Variants in COG6 observed in about 807,000 individuals in gnomAD.
The protein encoded by COG6 is component of oligomeric golgi complex 6.
COG6 carries 74 observed loss-of-function variants against 88.8 expected under a neutral mutation model. That is an observed-to-expected ratio of 0.83 (90% CI 0.69 to 1.01). The LOEUF is 1.01. Ranked by LOEUF, COG6 falls within the 50% of genes least tolerant of loss-of-function variation. The probability of loss-of-function intolerance (pLI) is 0.00; values close to 1 mark genes in which losing one functional copy is unlikely to be tolerated. For missense variants in COG6, 800 were observed against 797.9 expected (o/e 1.00, Z -0.03); for synonymous variants, 286 against 278.7 (o/e 1.03, Z -0.26).
chr13:39,689,022 C>T (rs544476550), intron 10 of COG6, among the ~76,000 whole-genome samples: 4 of 152,250 alleles, frequency 2.6e-5, no homozygotes, highest in African/African-American at 9.6e-5. Flanking sequence ...AGATTAGACT[C>T]AGCATATATG....
rs972749530 is a variant in COG6 at position 39,751,986 on chromosome 13, A to T, written c.*893A>T. 3.2e-6 allele frequency: 4 copies of T among 1,235,084 alleles called. No individual in the cohort carries two copies. The highest frequency in any genetic ancestry group is 2.3e-5 in the Admixed American group (1 of 43,460). The allele number at this position is 1,235,084 out of a possible 1,614,324, so 76.5% of individuals were successfully genotyped here. On this transcript the variant is annotated 3_prime_UTR_variant, in exon 19 of 19. Transcript: ENST00000455146. ...AAACAATGATCTACTCAAACATTGGAGAAAAAAACTGCCAGAGGAGGAGTT... is the reference window on the plus strand; with the variant it reads ...AAACAATGATCTACTCAAACATTGGTGAAAAAAACTGCCAGAGGAGGAGTT...
At chr13:39,668,548 G>A (rs767294161) in intron 4 of COG6, among the ~76,000 whole-genome samples, 3 of 152,104 alleles carry the variant, frequency 2.0e-5, no homozygotes, top group Non-Finnish European at 4.4e-5. Flanking sequence ...CAGCACTTTG[G>A]GAGGCCGAGG....
intron 1 of COG6, among the ~76,000 whole-genome samples, chr13:39,657,132 A>G (rs559503095): frequency 1.3e-3 from 190 of 151,832 alleles, no homozygotes; most frequent in African/African-American, 4.4e-3. Flanking sequence ...CCCGGGTTCA[A>G]GCGATTCTCC....
chr13:39,669,284 C>T (rs1875473797), intron 4 of COG6, among the ~76,000 whole-genome samples: 1 of 152,184 alleles, frequency 6.6e-6, no homozygotes, highest in Non-Finnish European at 1.5e-5. Context: ...TAATTTTTCT[C>T]TAAGTTAATG....
At chr13:39,762,791 G>A (rs553099824) in intron 18 of COG6, among the ~76,000 whole-genome samples, 1 of 127,430 alleles carries the variant, frequency 7.8e-6, no homozygotes, top group East Asian at 2.4e-4. Context: ...TGAAGCCTAT[G>A]TACCCTTTAT....
At chr13:39,675,700 C>T (rs1875926880) in intron 4 of COG6, among the ~76,000 whole-genome samples, 1 of 151,984 alleles carries the variant, frequency 6.6e-6, no homozygotes, top group African/African-American at 2.4e-5. Flanking sequence ...CAAAATGAAA[C>T]TATAAACTAA....
intron 12 of COG6, among the ~76,000 whole-genome samples, chr13:39,694,955 GCACACACA>G (rs5803006): frequency 9.7e-4 from 139 of 142,638 alleles, no homozygotes; most frequent in Non-Finnish European, 1.4e-3. Flanking sequence ...TTAACTACAC[GCACACACA>G]CACACACACA....
chr13:39,759,033 A>G (rs929584123), intron 18 of COG6, among the ~76,000 whole-genome samples: 1 of 152,200 alleles, frequency 6.6e-6, no homozygotes, highest in Non-Finnish European at 1.5e-5. Flanking sequence ...ATCCACAGAG[A>G]CATATAAGTA....
intron 4 of COG6, among the ~76,000 whole-genome samples, chr13:39,672,235 T>C (rs1160385365): frequency 6.6e-6 from 1 of 152,040 alleles, no homozygotes; most frequent in Admixed American, 6.6e-5. Context: ...ATACATGTAA[T>C]TGTAATTCAA....
exon 19 of COG6, chr13:39,788,888 T>C (rs983908331): frequency 6.4e-6 from 1 of 155,222 alleles, no homozygotes; most frequent in Non-Finnish European, 1.4e-5. Context: ...CTGGCAGAGA[T>C]AGCATTACGC....
chr13:39,707,748 T>C (rs888117182), intron 13 of COG6, among the ~76,000 whole-genome samples: 1 of 152,210 alleles, frequency 6.6e-6, no homozygotes, highest in Non-Finnish European at 1.5e-5. Context: ...AATTGTTGTG[T>C]AGTAATTTCA....
At chr13:39,728,832 T>A (rs1249655732) in intron 18 of COG6, among the ~76,000 whole-genome samples, 2 of 152,078 alleles carry the variant, frequency 1.3e-5, no homozygotes, top group South Asian at 4.2e-4. Flanking sequence ...ACCTGGCTAA[T>A]TTTTGTATTT....
chr13:39,712,553 G>T (rs1878299420), intron 13 of COG6, among the ~76,000 whole-genome samples: 1 of 152,202 alleles, frequency 6.6e-6, no homozygotes, highest in South Asian at 2.1e-4. Context: ...TTAAAACATT[G>T]TGAAAGATAG....
chr13:39,681,159 C>A (rs1008588553), intron 7 of COG6, among the ~76,000 whole-genome samples: 3 of 152,198 alleles, frequency 2.0e-5, no homozygotes, highest in African/African-American at 2.4e-5. Context: ...ATAGGTGTTA[C>A]CAACTGACTG....
intron 13 of COG6, among the ~76,000 whole-genome samples, chr13:39,716,424 A>G (rs1224939595): frequency 2.0e-5 from 3 of 152,082 alleles, no homozygotes; most frequent in South Asian, 2.1e-4. Context: ...TAGTTGGTAC[A>G]TGGTGTGGTT....
chr13:39,706,752 C>T (rs1054205659), intron 13 of COG6, among the ~76,000 whole-genome samples: 6 of 151,620 alleles, frequency 4.0e-5, no homozygotes, highest in South Asian at 2.1e-4. Context: ...GGTGTGATCT[C>T]GGCTCACTGC....
At chr13:39,702,346 G>A (rs1209560374) in intron 13 of COG6, among the ~76,000 whole-genome samples, 3 of 151,856 alleles carry the variant, frequency 2.0e-5, no homozygotes, top group Non-Finnish European at 4.4e-5. Flanking sequence ...TTTAAAGATA[G>A]TCAGTAGTGG....
intron 18 of COG6, among the ~76,000 whole-genome samples, chr13:39,735,286 T>C (rs185223725): frequency 6.6e-6 from 1 of 152,224 alleles, no homozygotes; most frequent in Non-Finnish European, 1.5e-5. Context: ...TGACTTGAGG[T>C]TACCATGAAG....
chr13:39,759,254 G>C (rs1460594731), intron 18 of COG6, among the ~76,000 whole-genome samples: 4 of 152,076 alleles, frequency 2.6e-5, no homozygotes. Flanking sequence ...CAAATATAAT[G>C]GAATTAAAAC....
Sources: allele counts gnomAD v4.1 joint callset (sites outside exome capture counted in the v4.1 genomes callset), GRCh38; gene constraint gnomAD v4.1.1; transcripts MANE v1.5; gene names NCBI Gene and HGNC (gene_info 2026-07-23, HGNC 2026-07-21).